WDPCP: variants seen among roughly 807,000 people sequenced by gnomAD.
The protein encoded by WDPCP is WD repeat-containing and planar cell polarity effector protein fritz homolog.
Under a neutral mutation model 93.1 loss-of-function variants are expected in WDPCP, and 71 were observed. That is an observed-to-expected ratio of 0.76 (90% CI 0.63 to 0.93). The LOEUF (loss-of-function observed/expected upper bound fraction) is 0.93. Ranked by LOEUF, WDPCP falls within the 40% of genes least tolerant of loss-of-function variation. The pLI, the probability that WDPCP is intolerant of heterozygous loss-of-function variation, is 0.00. For missense variants in WDPCP, 844 were observed against 887.4 expected (o/e 0.95, Z 0.62); for synonymous variants, 315 against 315.0 (o/e 1.00, Z 0.00).
chr2:63,670,400 T>A (rs1432216711), intron 2 of WDPCP, among the ~76,000 whole-genome samples: 2 of 152,088 alleles, frequency 1.3e-5, no homozygotes, highest in Non-Finnish European at 2.9e-5. Context: ...TGAACAGAGT[T>A]AGAACCTAAG....
chr2:63,293,690 A>G (rs1457424882), intron 13 of WDPCP, among the ~76,000 whole-genome samples: 3 of 152,224 alleles, frequency 2.0e-5, no homozygotes, highest in Non-Finnish European at 2.9e-5. Context: ...AAAACCTAAA[A>G]GCAAACCAGA....
chr2:63,809,390 C>T (rs933485120), intron 2 of WDPCP, among the ~76,000 whole-genome samples: 25 of 152,118 alleles, frequency 1.6e-4, no homozygotes, highest in Admixed American at 1.4e-3. Context: ...TCTGCCCAGC[C>T]ACCACCCCGT....
intron 3 of WDPCP, chr2:63,643,393 A>AG: frequency 2.9e-6 from 1 of 343,914 alleles, no homozygotes; most frequent in East Asian, 7.7e-5. Context: ...AATGTTGGAA[A>AG]GGTGGGTGAC....
intron 12 of WDPCP, among the ~76,000 whole-genome samples, chr2:63,333,807 G>A (rs1688157763): frequency 6.6e-6 from 1 of 152,148 alleles, no homozygotes; most frequent in Admixed American, 6.5e-5. Context: ...GCTGTGTCAT[G>A]GGCCATGTTC....
chr2:63,163,172 T>C (rs1004477706), intron 15 of WDPCP, among the ~76,000 whole-genome samples: 2 of 152,076 alleles, frequency 1.3e-5, no homozygotes, highest in Non-Finnish European at 2.9e-5. Flanking sequence ...GGAGAGAAAA[T>C]GGAAATCTTT....
At chr2:63,666,626 C>T (rs1045681051) in intron 2 of WDPCP, among the ~76,000 whole-genome samples, 10 of 152,184 alleles carry the variant, frequency 6.6e-5, no homozygotes, top group Admixed American at 2.0e-4. Flanking sequence ...ACTGATTCTC[C>T]CAGGGTGTGA....
At chr2:63,565,876 A>T (rs574723520) in intron 1 of WDPCP, among the ~76,000 whole-genome samples, 15 of 152,324 alleles carry the variant, frequency 9.8e-5, no homozygotes, top group African/African-American at 3.6e-4. Flanking sequence ...GCAGGTACAT[A>T]TATAGCCATC....
chr2:63,268,521 C>T (rs1682352110), intron 13 of WDPCP, among the ~76,000 whole-genome samples: 1 of 152,166 alleles, frequency 6.6e-6, no homozygotes, highest in Non-Finnish European at 1.5e-5. Flanking sequence ...GGCTGCAGTA[C>T]AATGGCACAA....
chr2:63,739,860 G>C (rs1481939955), intron 2 of WDPCP, among the ~76,000 whole-genome samples: 1 of 151,692 alleles, frequency 6.6e-6, no homozygotes, highest in Non-Finnish European at 1.5e-5. Flanking sequence ...TCATATGCTT[G>C]TTGGCCACAT....
At chr2:63,453,947 T>G (rs1486452547) in intron 6 of WDPCP, among the ~76,000 whole-genome samples, 2 of 90,508 alleles carry the variant, frequency 2.2e-5, no homozygotes, top group African/African-American at 4.9e-5. Flanking sequence ...TGGGGCCTGT[T>G]GTGGGGTGGG....
intron 14 of WDPCP, among the ~76,000 whole-genome samples, chr2:63,185,797 G>A (rs1029559424): frequency 6.6e-6 from 1 of 152,148 alleles, no homozygotes; most frequent in African/African-American, 2.4e-5. Flanking sequence ...AGTGTCCCAG[G>A]CAATGGGCTG....
At chr2:63,537,608 C>T (rs1221260363) in intron 1 of WDPCP, among the ~76,000 whole-genome samples, 1 of 152,112 alleles carries the variant, frequency 6.6e-6, no homozygotes, top group Non-Finnish European at 1.5e-5. Context: ...ATCATTTAAT[C>T]TGAAATGCAC....
intron 14 of WDPCP, among the ~76,000 whole-genome samples, chr2:63,242,572 T>C (rs1334601887): frequency 3.9e-5 from 6 of 152,160 alleles, no homozygotes; most frequent in African/African-American, 1.4e-4. Context: ...CAGTGAGCTA[T>C]GATGGCGCCA....
At chr2:63,214,896 C>T (rs1677180451) in intron 14 of WDPCP, among the ~76,000 whole-genome samples, 3 of 152,038 alleles carry the variant, frequency 2.0e-5, no homozygotes, top group Admixed American at 1.3e-4. Flanking sequence ...GAATAAAATA[C>T]CTAGGAATCC....
intron 14 of WDPCP, among the ~76,000 whole-genome samples, chr2:63,250,442 A>T (rs1484505126): frequency 6.6e-6 from 1 of 152,230 alleles, no homozygotes; most frequent in Non-Finnish European, 1.5e-5. Flanking sequence ...AAAGGAAATT[A>T]GCAGATAAGG....
chr2:63,683,256 T>C (rs944852486), intron 2 of WDPCP, among the ~76,000 whole-genome samples: 1 of 152,096 alleles, frequency 6.6e-6, no homozygotes, highest in Non-Finnish European at 1.5e-5. Flanking sequence ...AGTAGTAACA[T>C]TGAATGTAAA....
chr2:63,433,597 TG>T, intron 9 of WDPCP, 147 bp downstream of exon 9: 2 of 862,116 alleles, frequency 2.3e-6, no homozygotes, highest in Non-Finnish European at 3.4e-6. Flanking sequence ...TGGAATTGTC[TG>T]GGTATCTTCT....
chr2:63,754,544 A>C (rs1669933162), intron 2 of WDPCP, among the ~76,000 whole-genome samples: 2 of 152,240 alleles, frequency 1.3e-5, no homozygotes, highest in Admixed American at 1.3e-4. Context: ...GAAATAGAAT[A>C]CAAAGTTGGT....
At chr2:63,516,529 A>C (rs1381241083) in intron 1 of WDPCP, among the ~76,000 whole-genome samples, 1 of 152,046 alleles carries the variant, frequency 6.6e-6, no homozygotes, top group Non-Finnish European at 1.5e-5. Context: ...GTAGCCAGCC[A>C]CTGTGTTGTG....
Sources: gnomAD v4.1 joint callset for allele counts (sites outside exome capture counted in the v4.1 genomes callset) on GRCh38, gnomAD v4.1.1 for gene constraint, MANE v1.5 for transcripts, NCBI Gene and HGNC (gene_info 2026-07-23, HGNC 2026-07-21) for gene names.